KLHL5: variants seen among roughly 807,000 people sequenced by gnomAD.
KLHL5 encodes the protein kelch like family member 5, also known as kelch-like protein 5.
Under a neutral mutation model 77.7 loss-of-function variants are expected in KLHL5, and 48 were observed. The ratio of observed to expected loss-of-function variants is 0.62; its 90% CI spans 0.49 to 0.79. KLHL5 has a LOEUF of 0.79. KLHL5 is among the 30% of genes least tolerant of loss of function. KLHL5 has a pLI of 0.00. For synonymous variants in KLHL5, 260 were observed against 297.0 expected (o/e 0.88, Z 1.28); for missense variants, 723 against 859.7 (o/e 0.84, Z 1.99).
In KLHL5 at chr4:39,075,962, C is replaced by A; in HGVS notation, c.384-3C>A. Reference sequence around the variant, plus strand: ...CAAAATGTGTGTTTTTTTTTCTTTTCAGGACTTCCAATAGTAGTCAGACAT... The same window carrying A: ...CAAAATGTGTGTTTTTTTTTCTTTTAAGGACTTCCAATAGTAGTCAGACAT... On this transcript the variant is annotated splice_region_variant and splice_polypyrimidine_tract_variant and intron_variant, in intron 1 of 10. Transcript: ENST00000504108. The A allele has an allele frequency of 1.3e-6, 2 of 1,586,602 alleles. No individual in the cohort carries two copies. Among genetic ancestry groups the A allele is most frequent in the South Asian group, 1.2e-5 (1 of 85,744 alleles).
intron 1 of KLHL5, among the ~76,000 whole-genome samples, chr4:39,049,730 A>G (rs1041218822): frequency 2.0e-5 from 3 of 150,698 alleles, no homozygotes; most frequent in Non-Finnish European, 4.4e-5. Flanking sequence ...ATAAATAAAT[A>G]AATAAATGAA....
chr4:39,082,035 T>G lies in KLHL5; in HGVS notation c.776T>G (p.Val259Gly). Residue 259 changes from valine to glycine, a missense_variant, in exon 4 of 11, where the codon GTT becomes GGT. Transcript: ENST00000504108. ...STACLLQLSQ[V>G]VEACCKFLMK... ...GCTTGCCTTCTTCAGCTTTCACAGGTTGTAGAAGCATGCTGTAAGTTTTTA... is the reference window on the plus strand; with the variant it reads ...GCTTGCCTTCTTCAGCTTTCACAGGGTGTAGAAGCATGCTGTAAGTTTTTA... The G allele has an allele frequency of 6.2e-7, 1 of 1,613,876 alleles. No individual in the cohort carries two copies. Among genetic ancestry groups the G allele is most frequent in the Non-Finnish European group, 8.5e-7 (1 of 1,179,844 alleles).
intron 6 of KLHL5, among the ~76,000 whole-genome samples, chr4:39,103,027 G>C (rs1214935271): frequency 6.6e-6 from 1 of 152,028 alleles, no homozygotes; most frequent in Non-Finnish European, 1.5e-5. Flanking sequence ...CCGCTTCTGG[G>C]TGTTGTTTCT....
Position 39,081,879 on chromosome 4 carries a change from G to A in KLHL5, c.704-84G>A. ...AATGCATGTAATGAGCTCTTATATG[G>A]AACCACTACTGTTAACATCAATTAT... is the stretch of plus-strand genomic sequence containing the variant. On this transcript the variant is annotated intron_variant, in intron 3 of 10. Transcript: ENST00000504108. This position sits in a 1 kb window ranked among gnomAD's most constrained non-coding sequence, Gnocchi z 4.3. 1 of 989,488 alleles carries A rather than the reference G, an allele frequency of 1.0e-6. No homozygotes were observed. Among genetic ancestry groups the A allele is most frequent in the Non-Finnish European group, 1.4e-6 (1 of 692,258 alleles). The allele number at this position is 989,488 out of a possible 1,614,324, so 61.3% of individuals were successfully genotyped here.
In KLHL5 at chr4:39,121,013, G is replaced by A. The variant is rs1461922742; in HGVS notation, c.2077G>A (p.Ala693Thr). Residue 693 changes from alanine to threonine, a missense_variant, in exon 11 of 11, where the codon GCT becomes ACT. Physicochemically the swap from Ala to Thr is moderately conservative, Grantham distance 58 (BLOSUM62 0). Around this residue, in one of 3 missense-constraint regions of KLHL5, gnomAD observed 214 missense variants for 237.4 expected, o/e 0.90. Transcript: ENST00000504108. ...CATATCTCTTTTTCCTTTTTAGGTTGCTCCACTGTGCCTAGGAAGAGCTGG... is the reference window on the plus strand; with the variant it reads ...CATATCTCTTTTTCCTTTTTAGGTTACTCCACTGTGCCTAGGAAGAGCTGG... ...DPQTNEWTQVAPLCLGRAGAC... is the reference protein window; with the variant it reads ...DPQTNEWTQVTPLCLGRAGAC... 1 of 1,612,378 alleles carries A rather than the reference G, an allele frequency of 6.2e-7. No individual in the cohort carries two copies. The highest frequency in any genetic ancestry group is 1.3e-5 in the African/African-American group (1 of 74,882).
chr4:39,132,717 A>G, the KLHL5 span, among the ~76,000 whole-genome samples: 20 of 152,244 alleles, frequency 1.3e-4, no homozygotes, highest in African/African-American at 3.6e-4. Flanking sequence ...TAAGCAGAAA[A>G]ATAAATGCCC....
chr4:39,056,229 C>A (rs952469750), intron 1 of KLHL5, among the ~76,000 whole-genome samples: 3 of 152,170 alleles, frequency 2.0e-5, no homozygotes, highest in Non-Finnish European at 2.9e-5. Flanking sequence ...TTCAAGTGAT[C>A]CTCCTGCCTC....
the KLHL5 span, among the ~76,000 whole-genome samples, chr4:39,133,659 C>T: frequency 6.6e-6 from 1 of 151,866 alleles, no homozygotes; most frequent in Non-Finnish European, 1.5e-5. Context: ...AAATGAGCAC[C>T]TTTCTGAAGG....
the KLHL5 span, among the ~76,000 whole-genome samples, chr4:39,141,214 C>A: frequency 4.2e-3 from 638 of 152,114 alleles, 4 homozygotes; most frequent in African/African-American, 0.014. Flanking sequence ...ATTTCCCAAA[C>A]CTATCCTCTA....
At chr4:39,071,960 A>G (rs1238394666) in intron 1 of KLHL5, among the ~76,000 whole-genome samples, 2 of 152,172 alleles carry the variant, frequency 1.3e-5, no homozygotes, top group Non-Finnish European at 2.9e-5. Context: ...TGTTAGATGT[A>G]TTTCCTCTGT....
chr4:39,138,821 G>A, the KLHL5 span, among the ~76,000 whole-genome samples: 11 of 152,166 alleles, frequency 7.2e-5, no homozygotes, highest in African/African-American at 1.7e-4. Context: ...AAATAGGAAC[G>A]CATATAAATA....
At chr4:39,141,457 C>T in the KLHL5 span, among the ~76,000 whole-genome samples, 35 of 151,932 alleles carry the variant, frequency 2.3e-4, no homozygotes, top group Non-Finnish European at 4.3e-4. Context: ...TACAGGCGCC[C>T]GCCACCACGC....
chr4:39,085,433 T>C (rs966412868), intron 4 of KLHL5, among the ~76,000 whole-genome samples: 26 of 152,234 alleles, frequency 1.7e-4, no homozygotes, highest in Non-Finnish European at 3.5e-4. Flanking sequence ...TTTCTAGCTC[T>C]AATTTAAACA....
chr4:39,103,309 T>C lies in KLHL5; in HGVS notation c.1323T>C (p.Tyr441=), dbSNP rs1721759259. 2.5e-6 allele frequency: 4 copies of C among 1,613,482 alleles called. No individual in the cohort carries two copies. The highest frequency in any genetic ancestry group is 1.7e-5 in the Admixed American group (1 of 59,940). The stretch of plus-strand genomic sequence containing the variant: ...AAGGAGCAACAAGCATTGAAAAGTA[T>C]GATCTCCGTACAAATATGTGGACTC... ...STKGATSIEK[Y]DLRTNMWTPV... Residue 441 remains tyrosine, a synonymous_variant, in exon 7 of 11, where the codon TAT becomes TAC. Coordinates refer to ENST00000504108, the MANE Select transcript of KLHL5 (RefSeq NM_015990.5).
At chr4:39,126,552 T>A, downstream of KLHL5, 1 of 349,914 alleles carries the variant, frequency 2.9e-6, no homozygotes, top group Non-Finnish European at 5.6e-6. Flanking sequence ...GGTAATTATT[T>A]GGGCTAACGA....
rs368034503 is a variant in KLHL5, at chr4:39,125,483, T to C, written c.*4417T>C. On this transcript the variant is annotated 3_prime_UTR_variant, in exon 11 of 11. Transcript: ENST00000504108. Reference sequence around the variant, plus strand: ...ATGAATGAATAAACAAATTGTGGTATCTCCACACGGCACAATAGAATATTC... The same window carrying C: ...ATGAATGAATAAACAAATTGTGGTACCTCCACACGGCACAATAGAATATTC... Among the ~76,000 whole-genome samples the C allele has an allele frequency of 1.1e-4, 17 of 152,120 alleles. No homozygotes were observed. Among genetic ancestry groups the C allele is most frequent in the African/African-American group, 4.1e-4 (17 of 41,420 alleles).
At chr4:39,103,677 G>A (rs1231917855) in intron 7 of KLHL5, among the ~76,000 whole-genome samples, 166 bp downstream of exon 7, 1 of 152,182 alleles carries the variant, frequency 6.6e-6, no homozygotes, top group Non-Finnish European at 1.5e-5. Context: ...CATAAAAGAT[G>A]AGGCCGGATG....
intron 10 of KLHL5, among the ~76,000 whole-genome samples, chr4:39,119,191 A>G (rs538635575): frequency 6.6e-6 from 1 of 152,310 alleles, no homozygotes; most frequent in East Asian, 1.9e-4. Context: ...CCCCATATCA[A>G]AATTGATCAT....
In KLHL5 at chr4:39,073,831, T is replaced by TA. The variant is rs1427567721; in HGVS notation, c.384-2134_384-2133insA. On this transcript the variant is annotated intron_variant, in intron 1 of 10. Coordinates refer to ENST00000504108, the MANE Select transcript of KLHL5 (RefSeq NM_015990.5). ...AGCTAATTTTTTTTTTATTTTTATT[T>TA]TTTTTTTTGTATTTTTAGTAGAGAC... Among the ~76,000 whole-genome samples the TA allele has an allele frequency of 6.2e-3, 936 of 150,564 alleles. 10 individuals carry two copies. Among genetic ancestry groups the TA allele is most frequent in the African/African-American group, 0.021 (884 of 41,234 alleles).
Sources: allele counts gnomAD v4.1 joint callset (sites outside exome capture counted in the v4.1 genomes callset), GRCh38; gene constraint gnomAD v4.1.1; regional missense constraint gnomAD v4.1.1; non-coding constraint Gnocchi (gnomAD v3.1); transcripts MANE v1.5; gene names NCBI Gene and HGNC (gene_info 2026-07-23, HGNC 2026-07-21).